SAV1: variants seen among roughly 807,000 people sequenced by gnomAD.
SAV1 encodes the protein salvador family WW domain containing protein 1.
A neutral mutation model predicts 47.3 loss-of-function variants in SAV1; 23 were observed. The observed-to-expected ratio is 0.49, with a 90% CI of 0.35 to 0.69. The LOEUF is 0.69. SAV1 is among the 30% of genes least tolerant of loss of function. The probability of loss-of-function intolerance (pLI) is 0.01; values close to 1 mark genes in which losing one functional copy is unlikely to be tolerated. For missense variants in SAV1, 448 were observed against 457.4 expected (o/e 0.98, Z 0.19); for synonymous variants, 155 against 159.2 (o/e 0.97, Z 0.20).
At chr14:50,645,166 T>C in intron 2 of SAV1, 152 bp from the exon 3 acceptor site, 1 of 678,756 alleles carries the variant, frequency 1.5e-6, no homozygotes, top group Non-Finnish European at 2.4e-6. Flanking sequence ...TTCATAAAAC[T>C]AGTCGGTATT....
Position 50,667,348 on chromosome 14 carries a change from G to A in SAV1, c.94+526C>T, listed in dbSNP as rs544471244. ...CTGTGTAAGAGTGATGAGGCTTTGGGTGGCGGCTACAAGAACGACGGTATG... is the reference window on the plus strand; with the variant it reads ...CTGTGTAAGAGTGATGAGGCTTTGGATGGCGGCTACAAGAACGACGGTATG... On this transcript the variant is annotated intron_variant, in intron 1 of 4. Coordinates refer to ENST00000324679, the MANE Select transcript of SAV1 (RefSeq NM_021818.4). 161 of 450,580 alleles carry A rather than the reference G, an allele frequency of 3.6e-4. 2 individuals are homozygous for A. Among genetic ancestry groups the A allele is most frequent in the African/African-American group, 3.0e-3 (151 of 50,040 alleles). The allele number at this position is 450,580 out of a possible 1,614,324, so 27.9% of individuals were successfully genotyped here.
Position 50,635,188 on chromosome 14 carries a change from A to C in SAV1, c.1147T>G (p.Phe383Val). The change falls in exon 5 of 5, where the codon TTT becomes GTT. Residue 383 changes from phenylalanine (F) to valine (V), a missense_variant. Phe to Val is a conservative substitution (Grantham distance 50). Transcript: ENST00000324679. ...QWYAQQHGKN[F>V] ...TAAATTTTTAAAAAATCAGCTCAAA[A>C]ATTTTTTCCATGTTGTTGGGCATAC... 2 of 1,610,638 alleles carry C rather than the reference A, an allele frequency of 1.2e-6. No homozygotes were observed. The highest frequency in any genetic ancestry group is 1.7e-6 in the Non-Finnish European group (2 of 1,179,220).
intron 2 of SAV1, among the ~76,000 whole-genome samples, chr14:50,651,230 G>C (rs1007587703): frequency 6.6e-5 from 10 of 152,070 alleles, no homozygotes; most frequent in African/African-American, 1.7e-4. Context: ...GAAGTAATGT[G>C]TTTTACAGCT....
chr14:50,636,786 A>G (rs957789852), intron 4 of SAV1, among the ~76,000 whole-genome samples: 5 of 152,232 alleles, frequency 3.3e-5, no homozygotes, highest in Non-Finnish European at 7.3e-5. Context: ...GTGGTTTTCA[A>G]TGTTAATATC....
At chr14:50,662,221 T>C (rs1283718125) in intron 2 of SAV1, among the ~76,000 whole-genome samples, 7 of 152,188 alleles carry the variant, frequency 4.6e-5, no homozygotes, top group Non-Finnish European at 4.4e-5. Context: ...CAGGCTGGAG[T>C]GCAGTGGCGC....
At chr14:50,640,947 G>T in intron 3 of SAV1, 54 bp from the exon 4 acceptor site, 1 of 1,496,694 alleles carries the variant, frequency 6.7e-7, no homozygotes, top group Admixed American at 2.0e-5. Context: ...ATCTAAACAA[G>T]AAATTATAAA....
intron 2 of SAV1, among the ~76,000 whole-genome samples, chr14:50,646,594 G>A (rs1184886793): frequency 6.6e-6 from 1 of 150,496 alleles, no homozygotes; most frequent in Admixed American, 6.7e-5. Context: ...GCTGAGGCAG[G>A]AGAATTGCTT....
At chr14:50,639,907 G>A (rs1214328710) in intron 4 of SAV1, among the ~76,000 whole-genome samples, 1 of 152,170 alleles carries the variant, frequency 6.6e-6, no homozygotes, top group Admixed American at 6.6e-5. Context: ...TACAGCTGTA[G>A]GTCAGGTGGT....
intron 2 of SAV1, among the ~76,000 whole-genome samples, chr14:50,656,440 ATTT>A (rs11288683): frequency 1.3e-4 from 16 of 120,578 alleles, no homozygotes; most frequent in Admixed American, 8.9e-5. Flanking sequence ...CCCCAACTGT[ATTT>A]TTTTTTTTTT....
chr14:50,635,507 A>T, intron 4 of SAV1, 123 bp from the exon 5 acceptor site: 2 of 814,558 alleles, frequency 2.5e-6, no homozygotes, highest in Non-Finnish European at 3.8e-6. Context: ...CATAAGTTTT[A>T]ATTAAAAATA....
intron 4 of SAV1, among the ~76,000 whole-genome samples, chr14:50,636,145 A>G (rs1388166089): frequency 1.3e-5 from 2 of 152,228 alleles, no homozygotes; most frequent in Non-Finnish European, 2.9e-5. Context: ...ATTTCAAACT[A>G]CAGTGGTTCT....
At chr14:50,641,328 T>C (rs544149709) in intron 3 of SAV1, among the ~76,000 whole-genome samples, 1 of 152,208 alleles carries the variant, frequency 6.6e-6, no homozygotes, top group South Asian at 2.1e-4. Flanking sequence ...TTTCAACTTT[T>C]ACCAACTCAA....
At chr14:50,640,181 G>C (rs1265746087) in intron 4 of SAV1, among the ~76,000 whole-genome samples, 1 of 152,090 alleles carries the variant, frequency 6.6e-6, no homozygotes, top group Non-Finnish European at 1.5e-5. Context: ...ACAGAGTCCT[G>C]CTATGTTGCT....
At chr14:50,653,260 C>T (rs979405924) in intron 2 of SAV1, among the ~76,000 whole-genome samples, 5 of 152,074 alleles carry the variant, frequency 3.3e-5, no homozygotes, top group African/African-American at 4.8e-5. Context: ...TAAAGCTTGG[C>T]GTTAAAAATC....
chr14:50,659,464 T>C (rs907757506), intron 2 of SAV1, among the ~76,000 whole-genome samples: 2 of 152,244 alleles, frequency 1.3e-5, no homozygotes, highest in Non-Finnish European at 2.9e-5. Flanking sequence ...TGCAAAGTCA[T>C]TTCAACAAAT....
At position 50,667,860 on chromosome 14, in the gene SAV1, C is replaced by T; in HGVS notation, c.94+14G>A. On this transcript the variant is annotated intron_variant, in intron 1 of 4. Coordinates refer to ENST00000324679, the MANE Select transcript of SAV1 (RefSeq NM_021818.4). Reference sequence around the variant, plus strand: ...GCCTGGGCCAGGTGTGGGCACGCCCCGCCTGACACTCACTCCGAAGCAGAG... The same window carrying T: ...GCCTGGGCCAGGTGTGGGCACGCCCTGCCTGACACTCACTCCGAAGCAGAG... The T allele has an allele frequency of 1.2e-6, 2 of 1,611,620 alleles. No individual in the cohort carries two copies. The highest frequency in any genetic ancestry group is 1.1e-5 in the South Asian group (1 of 91,016).
intron 2 of SAV1, among the ~76,000 whole-genome samples, chr14:50,650,731 G>A (rs76733603): frequency 0.014 from 2,161 of 152,238 alleles, 46 homozygotes; most frequent in African/African-American, 0.049. Flanking sequence ...ACTTAGAAGC[G>A]GATCTTTTGG....
At chr14:50,663,688 G>A (rs1226516544) in intron 2 of SAV1, among the ~76,000 whole-genome samples, 5 of 151,134 alleles carry the variant, frequency 3.3e-5, no homozygotes, top group South Asian at 2.1e-4. Context: ...CTAGATTTGC[G>A]TTTTCCTATT....
chr14:50,647,718 C>T (rs1451592665), intron 2 of SAV1, among the ~76,000 whole-genome samples: 4 of 152,032 alleles, frequency 2.6e-5, no homozygotes, highest in South Asian at 4.2e-4. Flanking sequence ...GAGAGAAATG[C>T]AAATTAAAAC....
Sources: gnomAD v4.1 joint callset for allele counts (sites outside exome capture counted in the v4.1 genomes callset) on GRCh38, gnomAD v4.1.1 for gene constraint, MANE v1.5 for transcripts, NCBI Gene and HGNC (gene_info 2026-07-23, HGNC 2026-07-21) for gene names.